Variants in CACNB4 observed in about 807,000 individuals in gnomAD.
The protein encoded by CACNB4 is voltage-dependent L-type calcium channel subunit beta-4.
Under a neutral mutation model 71.2 loss-of-function variants are expected in CACNB4, and 32 were observed. The observed-to-expected ratio is 0.45, with a 90% CI of 0.34 to 0.60. CACNB4 has a LOEUF of 0.60. Ranked by LOEUF, CACNB4 falls within the 20% of genes least tolerant of loss-of-function variation. CACNB4 has a pLI of 0.01. For missense variants in CACNB4, 464 were observed against 647.9 expected, an observed-to-expected ratio of 0.72 and a Z score of 3.08; for synonymous variants, 231 against 236.9, an observed-to-expected ratio of 0.97 and a Z score of 0.23.
intron 2 of CACNB4, among the ~76,000 whole-genome samples, chr2:151,907,917 T>C (rs183295241): frequency 1.3e-5 from 2 of 152,240 alleles, no homozygotes; most frequent in East Asian, 3.9e-4. Flanking sequence ...AGAGTAGAGA[T>C]CATTGCAAAG....
chr2:151,928,865 T>C (rs1193231262), intron 2 of CACNB4, among the ~76,000 whole-genome samples: 1 of 151,740 alleles, frequency 6.6e-6, no homozygotes, highest in Non-Finnish European at 1.5e-5. Context: ...TGAGCTGAGA[T>C]TGTGCTACTG....
At chr2:151,999,958 A>G (rs892920557) in intron 2 of CACNB4, among the ~76,000 whole-genome samples, 2 of 152,238 alleles carry the variant, frequency 1.3e-5, no homozygotes, top group African/African-American at 4.8e-5. Flanking sequence ...AAGCCATCTG[A>G]GCAAACTTTG....
At chr2:152,031,701 C>T (rs1283321826) in intron 2 of CACNB4, among the ~76,000 whole-genome samples, 4 of 152,200 alleles carry the variant, frequency 2.6e-5, no homozygotes, top group Admixed American at 1.3e-4. Flanking sequence ...ATTTCAGAGT[C>T]CTGATGGCCT....
rs1378216783 is a variant in CACNB4, at chr2:151,851,233, A to G, written c.1116+2215T>C. 2 of 152,232 alleles carry G rather than the reference A, an allele frequency of 1.3e-5. 1 individual carries two copies. The highest frequency in any genetic ancestry group is 2.9e-5 in the Non-Finnish European group (2 of 68,044). 9.4% of individuals were successfully genotyped at this position (152,232 alleles called of 1,614,324 possible). A position where few individuals can be genotyped will look rare whatever the true frequency, so the allele number is the denominator to read the frequency against. On this transcript the variant is annotated intron_variant, in intron 12 of 13. Coordinates refer to ENST00000539935, the MANE Select transcript of CACNB4 (RefSeq NM_000726.5). ...GGTTACTACTGGTTTTTATAATCCAAAGATTTCTTCACACATGCCAAAATA... is the reference window on the plus strand; with the variant it reads ...GGTTACTACTGGTTTTTATAATCCAGAGATTTCTTCACACATGCCAAAATA...
intron 2 of CACNB4, among the ~76,000 whole-genome samples, chr2:151,932,448 T>C (rs1283812667): frequency 2.0e-5 from 3 of 152,072 alleles, no homozygotes; most frequent in South Asian, 2.1e-4. Context: ...TTATAGACAA[T>C]GCTAGAGAAC....
At chr2:151,886,034 A>G (rs989254663) in intron 2 of CACNB4, among the ~76,000 whole-genome samples, 1 of 152,096 alleles carries the variant, frequency 6.6e-6, no homozygotes, top group African/African-American at 2.4e-5. Context: ...GCTGGTCTCA[A>G]ACTCCTAGGC....
intron 2 of CACNB4, chr2:151,968,693 A>T (rs1207153985): frequency 6.6e-6 from 1 of 152,192 alleles, no homozygotes; most frequent in Non-Finnish European, 1.5e-5. Flanking sequence ...CCTTTTACAG[A>T]ATGTCTTGCA....
intron 2 of CACNB4, chr2:151,972,597 A>G (rs1560097470): frequency 6.6e-6 from 1 of 152,278 alleles, no homozygotes; most frequent in African/African-American, 2.4e-5. Context: ...ACAGGAAGGA[A>G]AAATGGAATG....
At chr2:151,849,661 C>T (rs1014854050) in intron 12 of CACNB4, among the ~76,000 whole-genome samples, 1 of 152,134 alleles carries the variant, frequency 6.6e-6, no homozygotes, top group African/African-American at 2.4e-5. Context: ...GGAATCTTTG[C>T]TCATGGAGCC....
chr2:151,913,440 G>A (rs12693165), intron 2 of CACNB4, among the ~76,000 whole-genome samples: 34,476 of 152,034 alleles, frequency 0.23, 4,095 homozygotes, highest in Middle Eastern at 0.39. Context: ...AGTTTGGCTG[G>A]ATATGAAATT....
rs7574261 is a variant in CACNB4, at chr2:152,061,422, A to G, written c.147+36908T>C. Reference sequence around the variant, plus strand: ...AATGATTACTAATTGAATATTTACTATAGTAACATCTAGACTGCAAAAATA... The same window carrying G: ...AATGATTACTAATTGAATATTTACTGTAGTAACATCTAGACTGCAAAAATA... On this transcript the variant is annotated intron_variant, in intron 2 of 13. Transcript: ENST00000539935. Among the ~76,000 whole-genome samples the G allele has an allele frequency of 4.2e-3, 641 of 152,318 alleles. 3 individuals carry two copies. The highest frequency in any genetic ancestry group is 0.015 in the African/African-American group (614 of 41,574).
At chr2:152,047,521 A>G (rs1446346803) in intron 2 of CACNB4, among the ~76,000 whole-genome samples, 1 of 152,228 alleles carries the variant, frequency 6.6e-6, no homozygotes, top group East Asian at 1.9e-4. Flanking sequence ...AAACCAGTGT[A>G]TAATACCCAT....
intron 2 of CACNB4, among the ~76,000 whole-genome samples, chr2:151,940,383 T>C (rs1220060248): frequency 1.3e-5 from 2 of 152,118 alleles, no homozygotes; most frequent in African/African-American, 2.4e-5. Context: ...AGAAATGACA[T>C]GAGCAAAGGT....
In CACNB4 at chr2:151,909,043, G is replaced by A. The variant is rs1408930227; in HGVS notation, c.148-25673C>T. On this transcript the variant is annotated intron_variant, in intron 2 of 13. Coordinates refer to ENST00000539935, the MANE Select transcript of CACNB4 (RefSeq NM_000726.5). ...ATTTAGAAAGAAAAAAAAACTTTAGGTAAGTTTTTACCATTGACTATCCCT... is the reference window on the plus strand; with the variant it reads ...ATTTAGAAAGAAAAAAAAACTTTAGATAAGTTTTTACCATTGACTATCCCT... 2.0e-5 allele frequency among the ~76,000 whole-genome samples: 3 copies of A among 148,548 alleles called. No homozygotes were observed. The Admixed American group carries it at 2.0e-4, about 10-fold the overall frequency.
At chr2:151,864,921 A>G (rs1055099813) in intron 9 of CACNB4, among the ~76,000 whole-genome samples, 1 of 152,234 alleles carries the variant, frequency 6.6e-6, no homozygotes, top group Non-Finnish European at 1.5e-5. Context: ...TGGGCAGTCT[A>G]CCATGACCCC....
At chr2:151,901,738 A>G (rs1320201392) in intron 2 of CACNB4, among the ~76,000 whole-genome samples, 3 of 152,240 alleles carry the variant, frequency 2.0e-5, no homozygotes, top group Admixed American at 2.0e-4. Flanking sequence ...GGCAAGCACA[A>G]TGCCTCCCTG....
chr2:152,058,049 G>C (rs948246732), intron 2 of CACNB4, among the ~76,000 whole-genome samples: 1 of 152,082 alleles, frequency 6.6e-6, no homozygotes, highest in Non-Finnish European at 1.5e-5. Context: ...GTTTTATAAA[G>C]GGCTCTTCCC....
chr2:152,059,603 C>T (rs1685901413), intron 2 of CACNB4, among the ~76,000 whole-genome samples: 3 of 152,234 alleles, frequency 2.0e-5, no homozygotes, highest in Admixed American at 2.0e-4. Context: ...AAGGAACTAA[C>T]TTGCTTTTGA....
At chr2:151,956,270 A>C (rs906941934) in intron 2 of CACNB4, among the ~76,000 whole-genome samples, 2 of 152,274 alleles carry the variant, frequency 1.3e-5, no homozygotes, top group Admixed American at 6.5e-5. Context: ...CATTATTCAT[A>C]ACAGCCACAA....
Sources: gnomAD v4.1 joint callset for allele counts (sites outside exome capture counted in the v4.1 genomes callset) on GRCh38, gnomAD v4.1.1 for gene constraint, MANE v1.5 for transcripts, NCBI Gene and HGNC (gene_info 2026-07-23, HGNC 2026-07-21) for gene names.